The following NPR2 variants were observed in gnomAD, a reference collection of about 807,000 sequenced individuals.
The protein encoded by NPR2 is natriuretic peptide receptor 2.
In NPR2, 49 loss-of-function variants were observed where a neutral mutation model predicts 120.7. The observed-to-expected ratio is 0.41, with a 90% CI of 0.32 to 0.52. NPR2 has a LOEUF of 0.52. Ranked by LOEUF, NPR2 falls within the 20% of genes least tolerant of loss-of-function variation. NPR2 has a pLI of 0.36. For missense variants in NPR2, 931 were observed against 1,362.9 expected (o/e 0.68, Z 4.99); for synonymous variants, 484 against 519.8 (o/e 0.93, Z 0.94).
intron 2 of NPR2, among the ~76,000 whole-genome samples, chr9:35,798,392 G>T (rs1319492132): frequency 1.3e-5 from 2 of 152,106 alleles, no homozygotes; most frequent in Non-Finnish European, 2.9e-5. Flanking sequence ...TGTTAGAAGT[G>T]TGTAATCAGG....
Position 35,806,101 on chromosome 9 carries a change from A to G in NPR2, c.2240A>G (p.Tyr747Cys). The change falls in exon 15 of 22, where the codon TAT (tyrosine) becomes TGT (cysteine). Residue 747 changes from tyrosine (Y) to cysteine (C), a missense_variant. By Grantham distance (194) the Tyr-to-Cys change is radical. Around this residue, in one of 3 missense-constraint regions of NPR2, gnomAD observed 66 missense variants for 60.3 expected, o/e 1.09. Coordinates refer to ENST00000342694, the MANE Select transcript of NPR2 (RefSeq NM_003995.4). The surrounding 1 kb of genome is among the most constrained non-coding windows in gnomAD (Gnocchi z 4.6). ...AAGGTACGAAATGGTCAGCGGCCATATTTCCGGCCAAGCATTGACCGGACC... is the reference window on the plus strand; with the variant it reads ...AAGGTACGAAATGGTCAGCGGCCATGTTTCCGGCCAAGCATTGACCGGACC... ...VQKVRNGQRP[Y>C]FRPSIDRTQL... The G allele has an allele frequency of 6.2e-7, 1 of 1,614,188 alleles. No homozygotes were observed. Among genetic ancestry groups the G allele is most frequent in the African/African-American group, 1.3e-5 (1 of 75,026 alleles).
intron 2 of NPR2, among the ~76,000 whole-genome samples, chr9:35,796,714 T>C (rs1827954776): frequency 6.6e-6 from 1 of 152,168 alleles, no homozygotes; most frequent in Non-Finnish European, 1.5e-5. Context: ...ACCAGGAATA[T>C]GCTGATGGGA....
In NPR2 at chr9:35,795,947, G is replaced by C. The variant is rs551287545; in HGVS notation, c.873+1844G>C. ...CTGTGCTAGGTACTGGTATACAAGG[G>C]AGAGCATAACAGACTTTGTTCCTGC... On this transcript the variant is annotated intron_variant, in intron 2 of 21. Transcript: ENST00000342694. Among the ~76,000 whole-genome samples, 9 of 152,330 alleles carry C rather than the reference G, an allele frequency of 5.9e-5. No homozygotes were observed. The South Asian group carries it at 1.9e-3, about 32-fold the overall frequency.
chr9:35,808,183 C>G lies in NPR2; in HGVS notation c.2713-326C>G. On this transcript the variant is annotated intron_variant, in intron 18 of 21. Coordinates refer to ENST00000342694, the MANE Select transcript of NPR2 (RefSeq NM_003995.4). The surrounding 1 kb of genome is among the most constrained non-coding windows in gnomAD (Gnocchi z 4.0). The stretch of plus-strand genomic sequence containing the variant: ...GCCTGCTTTACCTCCTCACCAGCCT[C>G]TGTCCTCTTGAGTTACCGTTTTCTT... 6.2e-7 allele frequency: 1 copy of G among 1,613,974 alleles called. No individual in the cohort carries two copies. The highest frequency in any genetic ancestry group is 8.5e-7 in the Non-Finnish European group (1 of 1,179,846).
In NPR2 at chr9:35,805,615, C is replaced by T. The variant is rs767943804; in HGVS notation, c.1992C>T (p.Gly664=). Reference sequence around the variant, plus strand: ...TTGTGCTCAAAATCACAGACTATGGCCTGGCCAGCTTCCGATCAACTGCTG... The same window carrying T: ...TTGTGCTCAAAATCACAGACTATGGTCTGGCCAGCTTCCGATCAACTGCTG... ...SRFVLKITDY[G]LASFRSTAEP... Residue 664 remains glycine (G), a synonymous_variant, in exon 13 of 22, where the codon GGC becomes GGT. Coordinates refer to ENST00000342694, the MANE Select transcript of NPR2 (RefSeq NM_003995.4). This position sits in a 1 kb window ranked among gnomAD's most constrained non-coding sequence, Gnocchi z 4.9. 1 of 1,614,192 alleles carries T rather than the reference C, an allele frequency of 6.2e-7. No homozygotes were observed. Among genetic ancestry groups the T allele is most frequent in the Non-Finnish European group, 8.5e-7 (1 of 1,180,020 alleles).
chr9:35,804,084 A>G (rs1287690803), intron 12 of NPR2, among the ~76,000 whole-genome samples: 1 of 152,250 alleles, frequency 6.6e-6, no homozygotes, highest in African/African-American at 2.4e-5. Context: ...AAGAATTCAT[A>G]GAGATTAGAG....
rs1828087195 is a variant in NPR2, at chr9:35,800,047, A to G, written c.1013A>G (p.Tyr338Cys). The change falls in exon 4 of 22, where the codon TAT (tyrosine) becomes TGT (cysteine). Residue 338 changes from tyrosine to cysteine, a missense_variant. By Grantham distance (194) the Tyr-to-Cys change is radical. Coordinates refer to ENST00000342694, the MANE Select transcript of NPR2 (RefSeq NM_003995.4). The surrounding 1 kb of genome is among the most constrained non-coding windows in gnomAD (Gnocchi z 4.7). ...SLMNLIAGCFYDGILLYAEVL... is the reference protein window; with the variant it reads ...SLMNLIAGCFCDGILLYAEVL... ...ATGAACCTCATCGCTGGCTGCTTCT[A>G]TGATGGGATCCTGCTATATGCTGAA... 1 of 1,614,170 alleles carries G rather than the reference A, an allele frequency of 6.2e-7. No individual in the cohort carries two copies. The highest frequency in any genetic ancestry group is 8.5e-7 in the Non-Finnish European group (1 of 1,180,016).
At position 35,799,878 on chromosome 9, in the gene NPR2, G is replaced by T. The variant is rs1481783496; in HGVS notation, c.988-144G>T. On this transcript the variant is annotated intron_variant, in intron 3 of 21. Transcript: ENST00000342694. ...CCAGGATTTTTCCTTCTGCCCTATGGAGTAGTTAGGAAGGGATGGCACTTT... is the reference window on the plus strand; with the variant it reads ...CCAGGATTTTTCCTTCTGCCCTATGTAGTAGTTAGGAAGGGATGGCACTTT... 6 of 1,410,250 alleles carry T rather than the reference G, an allele frequency of 4.3e-6. No homozygotes were observed. The East Asian group carries it at 1.4e-4, about 32-fold the overall frequency. The allele number at this position is 1,410,250 out of a possible 1,614,324, so 87.4% of individuals were successfully genotyped here. A position where few individuals can be genotyped will look rare whatever the true frequency, so the allele number is the denominator to read the frequency against.
intron 7 of NPR2, among the ~76,000 whole-genome samples, chr9:35,801,360 A>G (rs1479153680): frequency 6.6e-6 from 1 of 152,184 alleles, no homozygotes; most frequent in African/African-American, 2.4e-5. Flanking sequence ...TTGGTCCTAG[A>G]CTGGATATAC....
Position 35,801,985 on chromosome 9 carries a change from C to T in NPR2, c.1617C>T (p.Asn539=). The part of the protein sequence containing the change: ...TAHGKYQIFA[N]TGHFKGNVVA... ...ATGGGAAATACCAGATCTTTGCCAA[C>T]ACCGGTCACTTCAAGGTGAACAGTC... The change falls in exon 9 of 22, where the codon AAC becomes AAT. Residue 539 remains asparagine (N), a synonymous_variant. Transcript: ENST00000342694. The T allele has an allele frequency of 2.5e-6, 4 of 1,614,074 alleles. No individual in the cohort carries two copies. Among genetic ancestry groups the T allele is most frequent in the Non-Finnish European group, 1.7e-6 (2 of 1,179,924 alleles).
chr9:35,801,932 T>A lies in NPR2; in HGVS notation c.1564T>A (p.Ser522Thr). Residue 522 changes from serine to threonine, a missense_variant, in exon 9 of 22, where the codon TCC (serine) becomes ACC (threonine). Coordinates refer to ENST00000342694, the MANE Select transcript of NPR2 (RefSeq NM_003995.4). ...GSRLTLSLRGSSYGSLMTAHG... is the reference protein window; with the variant it reads ...GSRLTLSLRGTSYGSLMTAHG... ...ATGTTGCCCTTGGCCCCAGCGGGGATCCAGTTACGGCTCGCTCATGACAGC... is the reference window on the plus strand; with the variant it reads ...ATGTTGCCCTTGGCCCCAGCGGGGAACCAGTTACGGCTCGCTCATGACAGC... The A allele has an allele frequency of 6.2e-7, 1 of 1,614,158 alleles. No homozygotes were observed.
In NPR2 at chr9:35,808,269, A is replaced by G; in HGVS notation, c.2713-240A>G. ...ATGTCCTGCTGCAGACAGGGTGTTC[A>G]TTCATTCCGCAAATGTTTACTGAGT... On this transcript the variant is annotated intron_variant, in intron 18 of 21. Transcript: ENST00000342694. This position sits in a 1 kb window ranked among gnomAD's most constrained non-coding sequence, Gnocchi z 4.0. The G allele has an allele frequency of 6.2e-7, 1 of 1,614,090 alleles. No homozygotes were observed. The highest frequency in any genetic ancestry group is 8.5e-7 in the Non-Finnish European group (1 of 1,179,980).
At position 35,801,967 on chromosome 9, in the gene NPR2, A is replaced by G. The variant is rs1228685201; in HGVS notation, c.1599A>G (p.Lys533=). The G allele has an allele frequency of 6.2e-7, 1 of 1,614,078 alleles. No individual in the cohort carries two copies. Among genetic ancestry groups the G allele is most frequent in the Non-Finnish European group, 8.5e-7 (1 of 1,180,034 alleles). ...SYGSLMTAHG[K]YQIFANTGHF... ...GCTCGCTCATGACAGCCCATGGGAA[A>G]TACCAGATCTTTGCCAACACCGGTC... Residue 533 remains lysine, a synonymous_variant, in exon 9 of 22, where the codon AAA becomes AAG. Transcript: ENST00000342694.
chr9:35,805,728 G>C lies in NPR2; in HGVS notation c.2047+58G>C. ...TTGCTCCTCTTTCCACCTAGGGATG[G>C]TGGGAGAGGGAGGTGGAGTGACAGT... On this transcript the variant is annotated intron_variant, in intron 13 of 21. Coordinates refer to ENST00000342694, the MANE Select transcript of NPR2 (RefSeq NM_003995.4). This position sits in a 1 kb window ranked among gnomAD's most constrained non-coding sequence, Gnocchi z 4.9. The C allele has an allele frequency of 6.2e-7, 1 of 1,610,060 alleles. No individual in the cohort carries two copies. The highest frequency in any genetic ancestry group is 1.7e-5 in the Admixed American group (1 of 60,012).
Position 35,802,467 on chromosome 9 carries a change from A to T in NPR2, c.1711-36A>T, listed in dbSNP as rs1403696666. On this transcript the variant is annotated intron_variant, in intron 10 of 21. Coordinates refer to ENST00000342694, the MANE Select transcript of NPR2 (RefSeq NM_003995.4). The surrounding 1 kb of genome is among the most constrained non-coding windows in gnomAD (Gnocchi z 4.2). ...TCTGTATCTAATTTTTAACTCTTTC[A>T]ATTTTCTTATCCTTCCCATTGTTTT... 7.9e-7 allele frequency: 1 copy of T among 1,270,214 alleles called. No homozygotes were observed. Among genetic ancestry groups the T allele is most frequent in the Non-Finnish European group, 1.2e-6 (1 of 866,110 alleles). 78.7% of individuals were successfully genotyped at this position (1,270,214 alleles called of 1,614,324 possible).
chr9:35,792,797 C>T lies in NPR2; in HGVS notation c.389C>T (p.Ser130Leu). 6.2e-7 allele frequency: 1 copy of T among 1,614,198 alleles called. No homozygotes were observed. ...GCGGGTGCTGTGGCCTCTGGTTTTTCGGCTAAGAATGACCATTATCGTACC... is the reference window on the plus strand; with the variant it reads ...GCGGGTGCTGTGGCCTCTGGTTTTTTGGCTAAGAATGACCATTATCGTACC... The part of the protein sequence containing the change: ...LTAGAVASGF[S>L]AKNDHYRTLV... The change falls in exon 1 of 22, where the codon TCG (serine) becomes TTG (leucine). Residue 130 changes from serine (S) to leucine (L), a missense_variant. Transcript: ENST00000342694.
chr9:35,805,692 C>T lies in NPR2; in HGVS notation c.2047+22C>T, dbSNP rs773196485. The T allele has an allele frequency of 1.9e-6, 3 of 1,613,642 alleles. No homozygotes were observed. In the South Asian group the frequency reaches 3.3e-5, roughly 18 times the overall value. ...GCCAGTGAGGCCCACCCCCACAACC[C>T]ACTTTTTATATTGCTCCTCTTTCCA... On this transcript the variant is annotated intron_variant, in intron 13 of 21. Transcript: ENST00000342694. This position sits in a 1 kb window ranked among gnomAD's most constrained non-coding sequence, Gnocchi z 4.9.
In NPR2 at chr9:35,808,612, A is replaced by G. The variant is rs1828559781; in HGVS notation, c.2816A>G (p.Asp939Gly). Residue 939 changes from aspartate (D) to glycine (G), a missense_variant, in exon 19 of 22, where the codon GAT becomes GGT. Transcript: ENST00000342694. This position sits in a 1 kb window ranked among gnomAD's most constrained non-coding sequence, Gnocchi z 4.0. ...GCTCGTATGGCCCTAGCATTACTAG[A>G]TGCAGTTTCTTCCTTTCGCATCCGC... Reference protein sequence around the residue: ...EIARMALALLDAVSSFRIRHR... With the variant: ...EIARMALALLGAVSSFRIRHR... 2.5e-6 allele frequency: 4 copies of G among 1,614,092 alleles called. No individual in the cohort carries two copies. The highest frequency in any genetic ancestry group is 3.4e-6 in the Non-Finnish European group (4 of 1,179,988).
At position 35,800,472 on chromosome 9, in the gene NPR2, G is replaced by C. The variant is rs1464143400; in HGVS notation, c.1207G>C (p.Gly403Arg). ...CTGGGCCATGGGAGACCTGGATTCT[G>C]GGGACTTTCAGGTGATGGAGGAGGA... ...VLWAMGDLDSGDFQPAAHYSG... is the reference protein window; with the variant it reads ...VLWAMGDLDSRDFQPAAHYSG... The change falls in exon 5 of 22, where the codon GGG (glycine) becomes CGG (arginine). Residue 403 changes from glycine (G) to arginine (R), a missense_variant. Around this residue, in one of 3 missense-constraint regions of NPR2, gnomAD observed 681 missense variants for 974.3 expected, o/e 0.70. Transcript: ENST00000342694. This position sits in a 1 kb window ranked among gnomAD's most constrained non-coding sequence, Gnocchi z 4.7. 1.2e-6 allele frequency: 2 copies of C among 1,613,440 alleles called. No individual in the cohort carries two copies. The highest frequency in any genetic ancestry group is 2.2e-5 in the South Asian group (2 of 91,070).
Sources: gnomAD v4.1 joint callset for allele counts (sites outside exome capture counted in the v4.1 genomes callset) on GRCh38, gnomAD v4.1.1 for gene constraint, gnomAD v4.1.1 regional missense constraint, Gnocchi (gnomAD v3.1) non-coding constraint, MANE v1.5 for transcripts, NCBI Gene and HGNC (gene_info 2026-07-23, HGNC 2026-07-21) for gene names.